The following KDM2A variants were observed in gnomAD, a reference collection of about 807,000 sequenced individuals.
KDM2A encodes the protein lysine demethylase 2A.
KDM2A carries 3 observed loss-of-function variants against 137.3 expected under a neutral mutation model. The ratio of observed to expected loss-of-function variants is 0.02; its 90% CI spans 0.01 to 0.06. KDM2A has a LOEUF of 0.06. Among genes scored for constraint, KDM2A ranks in the 10% least tolerant of loss-of-function variants. KDM2A has a pLI of 1.00. For missense variants in KDM2A, 738 were observed against 1,510.6 expected, an observed-to-expected ratio of 0.49 and a Z score of 8.48; for synonymous variants, 512 against 541.5, an observed-to-expected ratio of 0.95 and a Z score of 0.76.
chr11:67,186,658 T>A (rs982600815), intron 5 of KDM2A, among the ~76,000 whole-genome samples: 1 of 152,226 alleles, frequency 6.6e-6, no homozygotes, highest in Non-Finnish European at 1.5e-5. Context: ...TCTCCATAGT[T>A]TAAGAGACGA....
chr11:67,122,778 C>A (rs1855628054), intron 2 of KDM2A, among the ~76,000 whole-genome samples: 1 of 151,632 alleles, frequency 6.6e-6, no homozygotes, highest in African/African-American at 2.4e-5. Context: ...TGGGTTCACA[C>A]CATTCTCCTG....
rs563697375 is a variant in KDM2A, at chr11:67,119,311, C to G, written c.-822C>G. On this transcript the variant is annotated 5_prime_UTR_variant, in exon 1 of 21. Coordinates refer to ENST00000529006, the MANE Select transcript of KDM2A (RefSeq NM_012308.3). ...AATGGCGGCGGCTGCTTCAGCGGCT[C>G]CTCCTGTGTGAGGGAAACAACACCC... The G allele has an allele frequency of 3.6e-4, 57 of 159,924 alleles. No individual in the cohort carries two copies. Among genetic ancestry groups the G allele is most frequent in the Non-Finnish European group, 5.7e-4 (42 of 73,978 alleles). The allele number at this position is 159,924 out of a possible 1,614,324, so 9.9% of individuals were successfully genotyped here. A position where few individuals can be genotyped will look rare whatever the true frequency, so the allele number is the denominator to read the frequency against.
intron 12 of KDM2A, among the ~76,000 whole-genome samples, chr11:67,237,020 A>G (rs1033041969): frequency 1.3e-5 from 2 of 152,226 alleles, no homozygotes; most frequent in Non-Finnish European, 2.9e-5. Flanking sequence ...AATGAGTGAG[A>G]GTGGCAGAGT....
intron 9 of KDM2A, 102 bp downstream of exon 9, chr11:67,217,986 C>T (rs1858222451): frequency 3.1e-6 from 3 of 972,528 alleles, no homozygotes; most frequent in Non-Finnish European, 4.5e-6. Context: ...TGGGCGTCTG[C>T]AGAAAACAAC....
intron 18 of KDM2A, 76 bp downstream of exon 18, chr11:67,252,933 G>T (rs188997319): frequency 3.4e-4 from 504 of 1,474,636 alleles, no homozygotes; most frequent in Non-Finnish European, 4.5e-4. Context: ...TATTGGCAGT[G>T]CTTCTTAGCA....
At chr11:67,130,882 T>G (rs1445647116) in intron 2 of KDM2A, among the ~76,000 whole-genome samples, 1 of 150,702 alleles carries the variant, frequency 6.6e-6, no homozygotes, top group Non-Finnish European at 1.5e-5. Context: ...TTTTTTTTAA[T>G]TATGGAGAGA....
At chr11:67,203,647 A>G (rs899467529) in intron 5 of KDM2A, among the ~76,000 whole-genome samples, 1 of 151,414 alleles carries the variant, frequency 6.6e-6, no homozygotes, top group Non-Finnish European at 1.5e-5. Flanking sequence ...CCAGCTACTC[A>G]GGAGGCTGAG....
chr11:67,146,078 A>G (rs1590721071), intron 2 of KDM2A, among the ~76,000 whole-genome samples: 1 of 142,546 alleles, frequency 7.0e-6, no homozygotes, highest in Admixed American at 7.2e-5. Flanking sequence ...TGCAACCTCC[A>G]CCTCCCGGGT....
At chr11:67,172,616 T>TTGTGTGTGTGTGTGTGTG in intron 2 of KDM2A, among the ~76,000 whole-genome samples, 1 of 146,530 alleles carries the variant, frequency 6.8e-6, no homozygotes, top group African/African-American at 2.5e-5. Context: ...GCTCTTATAG[T>TTGTGTGTGTGTGTGTGTG]TGTGTGTGTG....
chr11:67,213,868 T>G (rs1196540500), intron 6 of KDM2A, among the ~76,000 whole-genome samples: 1 of 152,006 alleles, frequency 6.6e-6, no homozygotes, highest in Non-Finnish European at 1.5e-5. Context: ...TTTTTTTGTG[T>G]TTTTGGGTTT....
At chr11:67,160,516 A>G (rs1483112314) in intron 2 of KDM2A, among the ~76,000 whole-genome samples, 1 of 152,210 alleles carries the variant, frequency 6.6e-6, no homozygotes, top group Admixed American at 6.5e-5. Flanking sequence ...TCACACCTGT[A>G]ATCCCAGCAC....
chr11:67,172,569 T>C (rs1254869127), intron 2 of KDM2A, among the ~76,000 whole-genome samples: 2 of 152,106 alleles, frequency 1.3e-5, no homozygotes, highest in Non-Finnish European at 2.9e-5. Context: ...TTGGGATTTT[T>C]TGTTGCTAGT....
intron 12 of KDM2A, among the ~76,000 whole-genome samples, chr11:67,242,666 C>A (rs749833806): frequency 6.6e-6 from 1 of 152,132 alleles, no homozygotes; most frequent in African/African-American, 2.4e-5. Context: ...TCTGCTCCCC[C>A]ACCACCACCA....
intron 2 of KDM2A, among the ~76,000 whole-genome samples, chr11:67,127,312 GCTGGTCTGGTTTTTTTTGCTCAGT>G (rs1855753363): frequency 2.0e-5 from 3 of 152,048 alleles, no homozygotes; most frequent in Middle Eastern, 3.4e-3. Flanking sequence ...GGCTGCTCAG[GCTGGTCTGGTTTTTTTTGCTCAGT>G]CTGGTCTTGA....
intron 2 of KDM2A, among the ~76,000 whole-genome samples, chr11:67,124,996 T>C: frequency 6.6e-6 from 1 of 151,488 alleles, no homozygotes; most frequent in East Asian, 2.0e-4. Flanking sequence ...TAGCTAGGGC[T>C]ACAGGCGCCC....
At chr11:67,125,210 G>A (rs1267739560) in intron 2 of KDM2A, among the ~76,000 whole-genome samples, 14 of 147,342 alleles carry the variant, frequency 9.5e-5, no homozygotes, top group Non-Finnish European at 1.7e-4. Flanking sequence ...TTGAGATAGG[G>A]GTCTTTGTCG....
intron 5 of KDM2A, among the ~76,000 whole-genome samples, chr11:67,192,276 A>G (rs1001987542): frequency 1.3e-5 from 2 of 152,024 alleles, no homozygotes; most frequent in Admixed American, 1.3e-4. Flanking sequence ...GCATGTTTTT[A>G]AACATTAACA....
chr11:67,184,441 A>G (rs1350783390), intron 5 of KDM2A, among the ~76,000 whole-genome samples: 1 of 152,186 alleles, frequency 6.6e-6, no homozygotes, highest in African/African-American at 2.4e-5. Flanking sequence ...CAGCCTGACC[A>G]ACATGGTGAA....
At chr11:67,128,399 T>A (rs1855779946) in intron 2 of KDM2A, among the ~76,000 whole-genome samples, 1 of 152,014 alleles carries the variant, frequency 6.6e-6, no homozygotes, top group Non-Finnish European at 1.5e-5. Context: ...TTTTTTCTAG[T>A]ATGAAAGTAT....
Sources: gnomAD v4.1 joint callset for allele counts (sites outside exome capture counted in the v4.1 genomes callset) on GRCh38, gnomAD v4.1.1 for gene constraint, MANE v1.5 for transcripts, NCBI Gene and HGNC (gene_info 2026-07-23, HGNC 2026-07-21) for gene names.